The following GPM6B variants were observed in gnomAD, a reference collection of about 807,000 sequenced individuals.
GPM6B encodes the protein glycoprotein M6B.
A neutral mutation model predicts 27.2 loss-of-function variants in GPM6B; 4 were observed. That is an observed-to-expected ratio of 0.15 (90% CI 0.07 to 0.34). The LOEUF (loss-of-function observed/expected upper bound fraction) is 0.34, where lower values mean the gene tolerates loss of function less well. GPM6B is among the 10% of genes least tolerant of loss of function. The probability of loss-of-function intolerance (pLI) is 1.00; values close to 1 mark genes in which losing one functional copy is unlikely to be tolerated. For synonymous variants in GPM6B, 124 were observed against 103.1 expected, an observed-to-expected ratio of 1.20 and a Z score of -1.23; for missense variants, 183 against 261.9, an observed-to-expected ratio of 0.70 and a Z score of 2.08.
intron 1 of GPM6B, among the ~76,000 whole-genome samples, chrX:13,935,349 A>AAC (rs1397797186): frequency 1.9e-5 from 2 of 104,474 alleles, no homozygotes; most frequent in South Asian, 4.3e-4. Flanking sequence ...AAAAAAAAAA[A>AAC]AAAAAAAACT....
intron 5 of GPM6B, among the ~76,000 whole-genome samples, chrX:13,779,071 A>C (rs2048467786): frequency 9.1e-6 from 1 of 110,223 alleles, no homozygotes; most frequent in Non-Finnish European, 1.9e-5. Flanking sequence ...AAGATTTCCT[A>C]CCATGGTGGC....
chrX:13,811,006 A>G (rs2049121807), intron 1 of GPM6B, among the ~76,000 whole-genome samples: 1 of 112,738 alleles, frequency 8.9e-6, no homozygotes. Context: ...CAGGATCCCA[A>G]CACCTAAAAG....
At chrX:13,857,217 A>G (rs1191178125) in intron 1 of GPM6B, among the ~76,000 whole-genome samples, 1 of 111,404 alleles carries the variant, frequency 9.0e-6, no homozygotes, top group East Asian at 2.8e-4. Flanking sequence ...CTTTTGCCAC[A>G]TAAGGGAACA....
intron 2 of GPM6B, among the ~76,000 whole-genome samples, chrX:13,795,000 C>T (rs1179593880): frequency 1.8e-5 from 2 of 112,205 alleles, no homozygotes; most frequent in Admixed American, 9.4e-5. Flanking sequence ...AAATGAACAG[C>T]TTGTCACTTC....
chrX:13,798,560 T>C (rs921303942), intron 2 of GPM6B, among the ~76,000 whole-genome samples: 1 of 112,848 alleles, frequency 8.9e-6, no homozygotes, highest in Non-Finnish European at 1.9e-5. Flanking sequence ...TAGGTTTAAA[T>C]GTATTGGTTT....
chrX:13,876,078 G>A (rs1409984213), intron 1 of GPM6B, among the ~76,000 whole-genome samples: 2 of 112,400 alleles, frequency 1.8e-5, no homozygotes, highest in East Asian at 2.8e-4. Context: ...GAACAACGAT[G>A]AAAAAGACAT....
chrX:13,893,417 A>G (rs1013198585), intron 1 of GPM6B, among the ~76,000 whole-genome samples: 11 of 111,954 alleles, frequency 9.8e-5, no homozygotes, highest in African/African-American at 3.6e-4. Context: ...TCTACAAAAA[A>G]AAAAAAACAT....
intron 2 of GPM6B, among the ~76,000 whole-genome samples, chrX:13,796,305 G>A (rs2048815290): frequency 8.9e-6 from 1 of 111,952 alleles, no homozygotes; most frequent in Admixed American, 9.5e-5. Flanking sequence ...CCGACCTCAG[G>A]TGATCTGCCC....
intron 1 of GPM6B, among the ~76,000 whole-genome samples, chrX:13,930,648 C>A (rs769239193): frequency 9.0e-6 from 1 of 111,185 alleles, no homozygotes; most frequent in African/African-American, 3.3e-5. Context: ...GGGAACATCA[C>A]TACAGATACT....
intron 1 of GPM6B, among the ~76,000 whole-genome samples, chrX:13,851,455 T>G (rs1603080201): frequency 9.0e-6 from 1 of 111,417 alleles, no homozygotes; most frequent in African/African-American, 3.3e-5. Context: ...TGACACACAG[T>G]AGGCCCTCAG....
At chrX:13,826,336 T>C in intron 1 of GPM6B, among the ~76,000 whole-genome samples, 1 of 110,808 alleles carries the variant, frequency 9.0e-6, no homozygotes, top group Admixed American at 9.6e-5. Context: ...GGCCCCAACA[T>C]GACAGAGCCA....
chrX:13,810,700 G>A (rs1298714097), intron 1 of GPM6B, among the ~76,000 whole-genome samples: 1 of 103,137 alleles, frequency 9.7e-6, no homozygotes, highest in Non-Finnish European at 2.0e-5. Flanking sequence ...CGTGTTTTCT[G>A]AGAAAAACAT....
intron 2 of GPM6B, among the ~76,000 whole-genome samples, chrX:13,790,041 A>G (rs1398580904): frequency 9.0e-6 from 1 of 111,477 alleles, no homozygotes; most frequent in Non-Finnish European, 1.9e-5. Context: ...TTTTGTAGTG[A>G]CAGGGTCTCC....
At chrX:13,777,310 A>C (rs1017073249) in intron 6 of GPM6B, 42 bp downstream of exon 6, 1 of 967,849 alleles carries the variant, frequency 1.0e-6, no homozygotes, top group African/African-American at 1.9e-5. Context: ...CTTTTTTCTC[A>C]GCCTAATACT....
chrX:13,861,159 A>T (rs1218409631), intron 1 of GPM6B, among the ~76,000 whole-genome samples: 1 of 110,416 alleles, frequency 9.1e-6, no homozygotes, highest in Non-Finnish European at 1.9e-5. Flanking sequence ...ATACATATAC[A>T]CACATACATA....
chrX:13,785,572 G>T, intron 3 of GPM6B, 50 bp downstream of exon 3: 1 of 1,111,427 alleles, frequency 9.0e-7, no homozygotes, highest in South Asian at 1.9e-5. Context: ...ACAGGCATGA[G>T]CCACCACGCC....
Position 13,773,018 on chromosome X carries a change from TGAGG to T in GPM6B, c.846_849del (p.Phe282LeufsTer2). The T allele has an allele frequency of 8.3e-7, 1 of 1,209,896 alleles. No homozygotes were observed. Among genetic ancestry groups the T allele is most frequent in the Non-Finnish European group, 1.1e-6 (1 of 894,117 alleles). Reference sequence around the variant, plus strand: ...TAAGCCCAGTTAGAAGACAGTATCATGAGGAAGTGGATCTGGAAGAGAAGGGTGA... The same window carrying T: ...TAAGCCCAGTTAGAAGACAGTATCATAAGTGGATCTGGAAGAGAAGGGTGA... On this transcript the variant is annotated frameshift_variant, in exon 8 of 8. Transcript: ENST00000316715. LOFTEE classifies it high-confidence loss of function.
At chrX:13,867,052 C>T (rs756514519) in intron 1 of GPM6B, among the ~76,000 whole-genome samples, 5 of 111,723 alleles carry the variant, frequency 4.5e-5, no homozygotes, top group East Asian at 2.8e-4. Context: ...TCACTTGGTA[C>T]GGTTAGATTC....
At chrX:13,928,269 C>T (rs1014571842) in intron 1 of GPM6B, among the ~76,000 whole-genome samples, 3 of 112,336 alleles carry the variant, frequency 2.7e-5, no homozygotes, top group African/African-American at 9.7e-5. Flanking sequence ...CTGCTGGTTA[C>T]ATTTATAAAA....
Sources: allele counts gnomAD v4.1 joint callset (sites outside exome capture counted in the v4.1 genomes callset), GRCh38; gene constraint gnomAD v4.1.1; transcripts MANE v1.5; gene names NCBI Gene and HGNC (gene_info 2026-07-23, HGNC 2026-07-21).